CCDC77: variants seen among roughly 807,000 people sequenced by gnomAD.
CCDC77 encodes coiled-coil domain-containing protein 77.
CCDC77 carries 56 observed loss-of-function variants against 66.8 expected under a neutral mutation model. The observed-to-expected ratio is 0.84, with a 90% CI of 0.68 to 1.05. The LOEUF (loss-of-function observed/expected upper bound fraction) is 1.05, where lower values mean the gene tolerates loss of function less well. Among genes scored for constraint, CCDC77 ranks in the 50% least tolerant of loss-of-function variants. CCDC77 has a pLI of 0.00. For missense variants in CCDC77, 570 were observed against 576.8 expected (o/e 0.99, Z 0.12); for synonymous variants, 196 against 195.2 (o/e 1.00, Z -0.03).
intron 4 of CCDC77, among the ~76,000 whole-genome samples, chr12:415,544 A>G (rs1168264074): frequency 6.7e-6 from 1 of 149,266 alleles, no homozygotes; most frequent in East Asian, 2.0e-4. Flanking sequence ...ACATAATAAT[A>G]TGTTGATATT....
chr12:425,485 T>C (rs928000492), intron 5 of CCDC77, among the ~76,000 whole-genome samples: 1 of 151,940 alleles, frequency 6.6e-6, no homozygotes, highest in Non-Finnish European at 1.5e-5. Flanking sequence ...CTTTCAACTC[T>C]GGGCCACACC....
At position 431,898 on chromosome 12, in the gene CCDC77, G is replaced by T. The variant is rs1945659565; in HGVS notation, c.616G>T (p.Glu206Ter). 2 of 1,611,868 alleles carry T rather than the reference G, an allele frequency of 1.2e-6. No homozygotes were observed. Among genetic ancestry groups the T allele is most frequent in the Non-Finnish European group, 1.7e-6 (2 of 1,178,646 alleles). The change falls in exon 8 of 13, where the codon GAG becomes TAG. Residue 206 changes from glutamate to a stop codon, truncating the protein, a stop_gained. Transcript: ENST00000239830. LOFTEE classifies it high-confidence loss of function. The part of the protein sequence containing the change: ...PKISKRRPSR[E>*]RKESSEHYQR... ...AATAAGCAAAAGAAGACCATCGAGA[G>T]AGAGAAAAGAAAGTTCTGAGCATTA... is the stretch of plus-strand genomic sequence containing the variant.
At chr12:400,949 A>G (rs1944886333), upstream of CCDC77, among the ~76,000 whole-genome samples, 1 of 152,216 alleles carries the variant, frequency 6.6e-6, no homozygotes, top group Non-Finnish European at 1.5e-5. Context: ...TTCCATTTAG[A>G]CATCCTTAGG....
chr12:441,925 T>C lies in CCDC77; in HGVS notation c.*5T>C, dbSNP rs1342102821. On this transcript the variant is annotated 3_prime_UTR_variant, in exon 13 of 13. Transcript: ENST00000239830. Reference sequence around the variant, plus strand: ...AATGAACTTAGACTCTGTTAATGTCTACTTTTGGAAATGGCCCCCATTTAG... The same window carrying C: ...AATGAACTTAGACTCTGTTAATGTCCACTTTTGGAAATGGCCCCCATTTAG... 8 of 1,613,734 alleles carry C rather than the reference T, an allele frequency of 5.0e-6. No individual in the cohort carries two copies. The highest frequency in any genetic ancestry group is 5.1e-6 in the Non-Finnish European group (6 of 1,179,858).
At chr12:398,275 T>G (rs1591954573), upstream of CCDC77, among the ~76,000 whole-genome samples, 1 of 152,238 alleles carries the variant, frequency 6.6e-6, no homozygotes, top group African/African-American at 2.4e-5. Context: ...ACTAAGTTTA[T>G]GGAATATTCT....
intron 2 of CCDC77, 132 bp from the exon 3 acceptor site, chr12:409,232 AAAAC>A: frequency 1.5e-6 from 1 of 676,452 alleles, no homozygotes; most frequent in South Asian, 1.9e-5. Flanking sequence ...AAAGAAAAAA[AAAAC>A]TACATTTTAA....
At chr12:430,767 C>T (rs1945634350) in intron 7 of CCDC77, 31 bp downstream of exon 7, 2 of 1,532,326 alleles carry the variant, frequency 1.3e-6, no homozygotes, top group Admixed American at 1.7e-5. Flanking sequence ...TAGAAATTCT[C>T]ATCAATGCAG....
chr12:422,223 C>T (rs559739316), intron 5 of CCDC77, among the ~76,000 whole-genome samples: 1 of 151,190 alleles, frequency 6.6e-6, no homozygotes, highest in Non-Finnish European at 1.5e-5. Flanking sequence ...ACTCCATGCT[C>T]CATTACAGTG....
intron 9 of CCDC77, among the ~76,000 whole-genome samples, chr12:435,041 T>C (rs1351840547): frequency 1.3e-5 from 2 of 149,726 alleles, no homozygotes; most frequent in Non-Finnish European, 1.5e-5. Flanking sequence ...AGCCTACTTC[T>C]TTCTGTGTTT....
chr12:423,489 G>GTTTTTTTTTTTTTTTTTTTT (rs1179236405), intron 5 of CCDC77, among the ~76,000 whole-genome samples: 2 of 32,692 alleles, frequency 6.1e-5, no homozygotes, highest in Non-Finnish European at 1.1e-4. Context: ...GTTTTTTTTT[G>GTTTTTTTTTTTTTTTTTTTT]TTTTGTTTTT....
intron 4 of CCDC77, among the ~76,000 whole-genome samples, chr12:416,329 CTGTGGGTG>C (rs1333936466): frequency 0.022 from 716 of 31,938 alleles, 18 homozygotes; most frequent in African/African-American, 0.041. Context: ...GTGTGTGAGT[CTGTGGGTG>C]TGTGGGGGTG....
chr12:417,881 G>A (rs190527809), intron 4 of CCDC77, among the ~76,000 whole-genome samples: 121 of 151,416 alleles, frequency 8.0e-4, no homozygotes, highest in Non-Finnish European at 1.4e-3. Flanking sequence ...CAGCCTGGGC[G>A]ACAGAGTGAG....
At chr12:400,716 A>G (rs929242889), upstream of CCDC77, among the ~76,000 whole-genome samples, 3 of 152,224 alleles carry the variant, frequency 2.0e-5, no homozygotes, top group Admixed American at 6.5e-5. Context: ...ATAGTAATAT[A>G]AAGGATAACA....
intron 1 of CCDC77, among the ~76,000 whole-genome samples, chr12:403,138 C>G (rs962882618): frequency 2.0e-5 from 3 of 152,118 alleles, no homozygotes; most frequent in Admixed American, 6.5e-5. Flanking sequence ...GTAATTGTTA[C>G]TTACTGTATG....
chr12:400,617 C>G (rs1324168977), upstream of CCDC77, among the ~76,000 whole-genome samples: 2 of 152,186 alleles, frequency 1.3e-5, no homozygotes, highest in Admixed American at 6.6e-5. Flanking sequence ...GACTGCTGGT[C>G]TGTGGAGCAG....
At chr12:430,391 A>C (rs1945628863) in intron 6 of CCDC77, among the ~76,000 whole-genome samples, 1 of 152,094 alleles carries the variant, frequency 6.6e-6, no homozygotes, top group Admixed American at 6.5e-5. Flanking sequence ...TCCTAAGCTT[A>C]AGCAATCCTC....
chr12:410,307 G>A (rs1945082173), intron 3 of CCDC77, among the ~76,000 whole-genome samples: 1 of 148,196 alleles, frequency 6.7e-6, no homozygotes, highest in Admixed American at 6.8e-5. Flanking sequence ...TGCTCTTGTT[G>A]CCCAGGCTGG....
At position 428,838 on chromosome 12, in the gene CCDC77, CTAT is replaced by C; in HGVS notation, c.485_487del (p.Tyr162del). The C allele has an allele frequency of 6.2e-7, 1 of 1,612,204 alleles. No individual in the cohort carries two copies. Among genetic ancestry groups the C allele is most frequent in the South Asian group, 1.1e-5 (1 of 90,828 alleles). On this transcript the variant is annotated inframe_deletion, in exon 6 of 13. Transcript: ENST00000239830. ...TGGGAACAGATGCTGGAGAAGTGAC[CTAT>C]TTTTGTAAGGAGCCTCCTCACAAAG...
At chr12:406,968 G>A (rs1398532128) in intron 2 of CCDC77, among the ~76,000 whole-genome samples, 1 of 152,130 alleles carries the variant, frequency 6.6e-6, no homozygotes, top group African/African-American at 2.4e-5. Flanking sequence ...AGTGGAACGA[G>A]GAGACCAGTT....
Sources: gnomAD v4.1 joint callset for allele counts (sites outside exome capture counted in the v4.1 genomes callset) on GRCh38, gnomAD v4.1.1 for gene constraint, MANE v1.5 for transcripts, NCBI Gene and HGNC (gene_info 2026-07-23, HGNC 2026-07-21) for gene names.